The following CAND2 variants were observed in gnomAD, a reference collection of about 807,000 sequenced individuals.
The protein encoded by CAND2 is cullin-associated NEDD8-dissociated protein 2.
A neutral mutation model predicts 98.9 loss-of-function variants in CAND2; 62 were observed. The observed-to-expected ratio is 0.63, with a 90% CI of 0.51 to 0.77. CAND2 has a LOEUF of 0.77. Among genes scored for constraint, CAND2 ranks in the 30% least tolerant of loss-of-function variants. The probability of loss-of-function intolerance (pLI) is 0.00; values close to 1 mark genes in which losing one functional copy is unlikely to be tolerated. For synonymous variants in CAND2, 770 were observed against 731.9 expected (o/e 1.05, Z -0.84); for missense variants, 1,501 against 1,655.2 (o/e 0.91, Z 1.62).
At chr3:12,823,614 A>G (rs1462490723) in intron 11 of CAND2, among the ~76,000 whole-genome samples, 1 of 152,186 alleles carries the variant, frequency 6.6e-6, no homozygotes, top group Admixed American at 6.5e-5. Flanking sequence ...CTGTAGTCCC[A>G]GCTACTCAGG....
At chr3:12,824,138 C>T (rs770228509) in intron 11 of CAND2, among the ~76,000 whole-genome samples, 4 of 151,830 alleles carry the variant, frequency 2.6e-5, no homozygotes, top group African/African-American at 4.8e-5. Flanking sequence ...AGACCCCCAT[C>T]TCTAAAAAAA....
chr3:12,809,671 G>T (rs142983871), intron 4 of CAND2, among the ~76,000 whole-genome samples: 2,951 of 152,154 alleles, frequency 0.019, 33 homozygotes, highest in Non-Finnish European at 0.027. Context: ...AAGCAGAGGA[G>T]TGACCAGGTG....
At position 12,810,293 on chromosome 3, in the gene CAND2, C is replaced by T. The variant is rs929454340; in HGVS notation, c.726C>T (p.Gly242=). 4 of 1,469,244 alleles carry T rather than the reference C, an allele frequency of 2.7e-6. No homozygotes were observed. The highest frequency in any genetic ancestry group is 3.6e-6 in the Non-Finnish European group (4 of 1,110,934). The allele number at this position is 1,469,244 out of a possible 1,614,324, so 91.0% of individuals were successfully genotyped here. A position where few individuals can be genotyped will look rare whatever the true frequency, so the allele number is the denominator to read the frequency against. The change falls in exon 5 of 15, where the codon GGC becomes GGT. Residue 242 remains glycine, a synonymous_variant. Transcript: ENST00000456430. ...TAIRTLIQCL[G]SVGRQAGHRL... ...TCCGCACCCTGATCCAATGTTTGGG[C>T]AGCGTCGGCCGCCAGGCCGGCCACC... is the stretch of plus-strand genomic sequence containing the variant.
rs112876055 is a variant in CAND2 at position 12,820,718 on chromosome 3, G to A, written c.3040+537G>A. ...GAACTGAGACCTCCCTCTGGGGCTC[G>A]GCAGGACCACTGGGTTTTTCCTAGG... is the stretch of plus-strand genomic sequence containing the variant. On this transcript the variant is annotated intron_variant, in intron 11 of 14. Transcript: ENST00000456430. Among the ~76,000 whole-genome samples, 69 of 152,290 alleles carry A rather than the reference G, an allele frequency of 4.5e-4. No individual in the cohort carries two copies. In the South Asian group the frequency reaches 0.012, roughly 26 times the overall value.
At chr3:12,812,521 C>G (rs1393404471) in intron 5 of CAND2, among the ~76,000 whole-genome samples, 5 of 150,284 alleles carry the variant, frequency 3.3e-5, no homozygotes, top group Non-Finnish European at 5.9e-5. Context: ...TCTCCTGCCT[C>G]AGCCTCCTGA....
chr3:12,811,123 G>T (rs996251342), intron 5 of CAND2, among the ~76,000 whole-genome samples: 8 of 143,796 alleles, frequency 5.6e-5, no homozygotes, highest in African/African-American at 1.2e-4. Context: ...ACGGCGGGGG[G>T]TGGGGGGGGG....
chr3:12,824,443 G>C (rs1252791853), intron 11 of CAND2, among the ~76,000 whole-genome samples: 1 of 152,216 alleles, frequency 6.6e-6, no homozygotes, highest in Non-Finnish European at 1.5e-5. Context: ...GAGACAGAGA[G>C]ACGAGAGGCG....
Position 12,827,611 on chromosome 3 carries a change from C to A in CAND2, c.3375+7C>A. 1 of 1,601,278 alleles carries A rather than the reference C, an allele frequency of 6.2e-7. No homozygotes were observed. The highest frequency in any genetic ancestry group is 8.5e-7 in the Non-Finnish European group (1 of 1,172,056). On this transcript the variant is annotated splice_region_variant and intron_variant, in intron 13 of 14. Coordinates refer to ENST00000456430, the MANE Select transcript of CAND2 (RefSeq NM_001162499.2). The stretch of plus-strand genomic sequence containing the variant: ...GGACCACTACGACATCCGGGTAAGA[C>A]CAAGCCCCCTGCCAGATCTATGTGC...
In CAND2 at chr3:12,816,856, C is replaced by T. The variant is rs1261775970; in HGVS notation, c.1924C>T (p.Leu642=). The T allele has an allele frequency of 1.2e-6, 2 of 1,613,868 alleles. No individual in the cohort carries two copies. Among genetic ancestry groups the T allele is most frequent in the East Asian group, 2.2e-5 (1 of 44,884 alleles). ...GCTTACGCTGGTGGCCGTATCCCCA[C>T]TACAGCTTGACCTACAGCCCATCCT... The part of the protein sequence containing the change: ...KALTLVAVSP[L]QLDLQPILAE... Residue 642 remains leucine, a synonymous_variant, in exon 10 of 15, where the codon CTA becomes TTA. Coordinates refer to ENST00000456430, the MANE Select transcript of CAND2 (RefSeq NM_001162499.2).
intron 11 of CAND2, among the ~76,000 whole-genome samples, chr3:12,824,366 A>G (rs987070810): frequency 6.6e-6 from 1 of 152,214 alleles, no homozygotes; most frequent in Non-Finnish European, 1.5e-5. Context: ...TGGGAGGTCC[A>G]AGAACATGGC....
chr3:12,808,436 T>G (rs1422200087), intron 4 of CAND2, 103 bp downstream of exon 4: 10 of 1,294,650 alleles, frequency 7.7e-6, no homozygotes, highest in Non-Finnish European at 1.1e-6. Flanking sequence ...GCCCTGTGCT[T>G]GGGGCTCCTT....
intron 2 of CAND2, among the ~76,000 whole-genome samples, chr3:12,804,632 G>A (rs1651987150): frequency 6.6e-6 from 1 of 152,200 alleles, no homozygotes; most frequent in Non-Finnish European, 1.5e-5. Flanking sequence ...TGCTTGTGTG[G>A]TAGGGTCATT....
In CAND2 at chr3:12,813,289, C is replaced by G. The variant is rs754781845; in HGVS notation, c.907C>G (p.Leu303Val). Reference protein sequence around the residue: ...MGPHVPNVTSLCLQYIKHDPN... With the variant: ...MGPHVPNVTSVCLQYIKHDPN... ...TCCTCACGTGCCCAACGTGACCAGC[C>G]TCTGCCTCCAATACATAAAACACGA... Residue 303 changes from leucine to valine, a missense_variant, in exon 7 of 15, where the codon CTC becomes GTC. Leu to Val is a conservative substitution (Grantham distance 32, BLOSUM62 1). Around this residue, in one of 3 missense-constraint regions of CAND2, gnomAD observed 1,427 missense variants for 1,545.3 expected, o/e 0.92. Transcript: ENST00000456430. The G allele has an allele frequency of 6.8e-6, 11 of 1,613,932 alleles. No homozygotes were observed. Among genetic ancestry groups the G allele is most frequent in the Non-Finnish European group, 7.6e-6 (9 of 1,180,038 alleles).
At chr3:12,823,783 G>C (rs4684886) in intron 11 of CAND2, among the ~76,000 whole-genome samples, 105,516 of 150,682 alleles carry the variant, frequency 0.7, 37,424 homozygotes, top group African/African-American at 0.82. Context: ...TATAATCCCA[G>C]CTACCTGGGA....
At chr3:12,809,369 C>T in intron 4 of CAND2, among the ~76,000 whole-genome samples, 1 of 152,138 alleles carries the variant, frequency 6.6e-6, no homozygotes, top group Admixed American at 6.5e-5. Flanking sequence ...AGCACAGTCC[C>T]TGTCACTTAG....
chr3:12,809,820 C>T (rs552462067), intron 4 of CAND2: 7 of 456,720 alleles, frequency 1.5e-5, no homozygotes, highest in Non-Finnish European at 2.3e-5. Context: ...GGTCTTTCTC[C>T]CTAGGCTGGG....
chr3:12,829,798 G>GC (rs370464418), intron 13 of CAND2, among the ~76,000 whole-genome samples: 11 of 152,282 alleles, frequency 7.2e-5, no homozygotes, highest in African/African-American at 2.6e-4. Context: ...CACACATGCT[G>GC]TTTTTTTCCC....
intron 11 of CAND2, among the ~76,000 whole-genome samples, chr3:12,824,779 G>C (rs556878107): frequency 6.6e-6 from 1 of 152,116 alleles, no homozygotes; most frequent in Admixed American, 6.5e-5. Flanking sequence ...ATGGTGGTTC[G>C]TGCCTGTAAT....
chr3:12,800,218 C>T (rs74372727), intron 1 of CAND2, among the ~76,000 whole-genome samples: 1 of 152,234 alleles, frequency 6.6e-6, no homozygotes, highest in East Asian at 1.9e-4. Flanking sequence ...CTCCTTCTCT[C>T]TCCTAGCAAC....
Sources: allele counts gnomAD v4.1 joint callset (sites outside exome capture counted in the v4.1 genomes callset), GRCh38; gene constraint gnomAD v4.1.1; regional missense constraint gnomAD v4.1.1; transcripts MANE v1.5; gene names NCBI Gene and HGNC (gene_info 2026-07-23, HGNC 2026-07-21).